Variants in GOLGB1 observed in about 807,000 individuals in gnomAD.
GOLGB1 encodes golgin B1, also known as golgin subfamily B member 1.
In GOLGB1, 174 loss-of-function variants were observed where a neutral mutation model predicts 336.9. The ratio of observed to expected loss-of-function variants is 0.52; its 90% CI spans 0.46 to 0.59. The LOEUF (loss-of-function observed/expected upper bound fraction) is 0.59. Ranked by LOEUF, GOLGB1 falls within the 20% of genes least tolerant of loss-of-function variation. GOLGB1 has a pLI of 0.00. For missense variants in GOLGB1, 3,331 were observed against 3,645.3 expected, an observed-to-expected ratio of 0.91 and a Z score of 2.22; for synonymous variants, 1,208 against 1,289.2, an observed-to-expected ratio of 0.94 and a Z score of 1.35.
intron 15 of GOLGB1, among the ~76,000 whole-genome samples, chr3:121,678,531 G>A (rs978140300): frequency 6.6e-6 from 1 of 151,776 alleles, no homozygotes; most frequent in African/African-American, 2.4e-5. Context: ...GTCCAACATG[G>A]TAATTCTCCT....
rs761910809 is a variant in GOLGB1, at chr3:121,664,492, C to T, written c.9783G>A (p.Thr3261=). 7.3e-5 allele frequency: 117 copies of T among 1,613,634 alleles called. No homozygotes were observed. Among genetic ancestry groups the T allele is most frequent in the Middle Eastern group, 3.3e-4 (2 of 6,082 alleles). ...MIHVLLILCF[T]GHL ...GTAACAACTAAGTCTATAGATGGCC[C>T]GTAAAACACAGAATGAGCAGGACAT... The change falls in exon 22 of 22, where the codon ACG becomes ACA. Residue 3261 remains threonine (T), a synonymous_variant. Transcript: ENST00000614479.
chr3:121,702,009 T>C (rs184726317), intron 11 of GOLGB1, among the ~76,000 whole-genome samples: 1 of 152,168 alleles, frequency 6.6e-6, no homozygotes, highest in African/African-American at 2.4e-5. Flanking sequence ...TCATCCAGAC[T>C]AAAGGAAAGG....
chr3:121,743,951 A>G (rs1947061391), intron 1 of GOLGB1, among the ~76,000 whole-genome samples: 1 of 152,174 alleles, frequency 6.6e-6, no homozygotes, highest in Admixed American at 6.6e-5. Flanking sequence ...CACCAAGTGG[A>G]TTTATTCTAG....
intron 1 of GOLGB1, among the ~76,000 whole-genome samples, chr3:121,741,968 A>G (rs945645567): frequency 2.6e-5 from 4 of 152,214 alleles, no homozygotes; most frequent in African/African-American, 9.6e-5. Flanking sequence ...TTCAAAGGAC[A>G]CAGGTTCCCA....
chr3:121,679,429 G>A (rs1234971575), intron 15 of GOLGB1, among the ~76,000 whole-genome samples: 2 of 152,192 alleles, frequency 1.3e-5, no homozygotes, highest in Admixed American at 1.3e-4. Flanking sequence ...ATGGTGGCAA[G>A]TTCTTTGGTT....
chr3:121,716,724 A>C lies in GOLGB1; in HGVS notation c.1288+13T>G. ...GGTAGAGATGTGGACTTCAAAAGCA[A>C]TCAGCTACTGACCTTCCAGTTGCTG... On this transcript the variant is annotated intron_variant, in intron 9 of 21. Coordinates refer to ENST00000614479, the MANE Select transcript of GOLGB1 (RefSeq NM_001366282.2). 1 of 1,586,476 alleles carries C rather than the reference A, an allele frequency of 6.3e-7. No individual in the cohort carries two copies. Among genetic ancestry groups the C allele is most frequent in the Non-Finnish European group, 8.6e-7 (1 of 1,165,262 alleles).
intron 10 of GOLGB1, among the ~76,000 whole-genome samples, chr3:121,707,682 A>C (rs562912024): frequency 2.2e-4 from 34 of 152,206 alleles, no homozygotes; most frequent in Non-Finnish European, 1.3e-4. Context: ...TAGAAGAAAA[A>C]TGATACCAGA....
chr3:121,705,113 G>C (rs1434733057), intron 10 of GOLGB1, among the ~76,000 whole-genome samples: 1 of 152,074 alleles, frequency 6.6e-6, no homozygotes, highest in African/African-American at 2.4e-5. Flanking sequence ...GTGTGCTGAG[G>C]CTTATTACTT....
intron 1 of GOLGB1, among the ~76,000 whole-genome samples, chr3:121,736,575 C>T (rs910882575): frequency 2.0e-5 from 3 of 152,074 alleles, no homozygotes; most frequent in Non-Finnish European, 4.4e-5. Flanking sequence ...AAGAAACAGT[C>T]ACAGATTAGA....
At chr3:121,749,765 G>A (rs1947633292), upstream of GOLGB1, 1 of 152,504 alleles carries the variant, frequency 6.6e-6, no homozygotes, top group South Asian at 2.1e-4. Context: ...TGGGACGGAA[G>A]ATGGGATTAA....
chr3:121,716,321 A>G (rs1410374393), intron 9 of GOLGB1, among the ~76,000 whole-genome samples: 1 of 152,204 alleles, frequency 6.6e-6, no homozygotes, highest in Non-Finnish European at 1.5e-5. Context: ...ATTTTCACCT[A>G]TAAGAAAAGC....
At chr3:121,673,847 A>T (rs1170713272) in intron 17 of GOLGB1, among the ~76,000 whole-genome samples, 1 of 152,092 alleles carries the variant, frequency 6.6e-6, no homozygotes, top group Non-Finnish European at 1.5e-5. Context: ...CAGCCACCCG[A>T]GTAGCTGGGA....
intron 14 of GOLGB1, among the ~76,000 whole-genome samples, chr3:121,683,851 C>T (rs538182752): frequency 9.2e-5 from 14 of 152,084 alleles, no homozygotes; most frequent in African/African-American, 2.9e-4. Flanking sequence ...ATCTACCGGC[C>T]GGGGACGGTG....
chr3:121,713,811 A>C (rs2108075755), intron 10 of GOLGB1, among the ~76,000 whole-genome samples: 1 of 152,332 alleles, frequency 6.6e-6, no homozygotes, highest in South Asian at 2.1e-4. Context: ...ATAAATATTA[A>C]AATATAGTCA....
At position 121,676,994 on chromosome 3, in the gene GOLGB1, G is replaced by C. The variant is rs1353241924; in HGVS notation, c.9076C>G (p.Gln3026Glu). 6.2e-7 allele frequency: 1 copy of C among 1,613,600 alleles called. No individual in the cohort carries two copies. The highest frequency in any genetic ancestry group is 1.7e-5 in the Admixed American group (1 of 60,004). ...PETSASPDGS[Q>E]NLVYETELLR... The stretch of plus-strand genomic sequence containing the variant: ...AGTTCTGTCTCATAAACCAGATTTT[G>C]TGACCCATCTGGGGAAGCTGATGTC... The change falls in exon 17 of 22, where the codon CAA becomes GAA. Residue 3026 changes from glutamine to glutamate, a missense_variant. Physicochemically the swap from Gln to Glu is conservative, Grantham distance 29. Transcript: ENST00000614479.
At position 121,692,592 on chromosome 3, in the gene GOLGB1, G is replaced by A. The variant is rs929086647; in HGVS notation, c.6783-11C>T. On this transcript the variant is annotated splice_polypyrimidine_tract_variant and intron_variant, in intron 13 of 21. Transcript: ENST00000614479. ...TTGTCATGTTCAAGCCTGAAACAGA[G>A]AGAAGGTCATTAGTTACAGATTTCA... 6.7e-7 allele frequency: 1 copy of A among 1,490,576 alleles called. No homozygotes were observed. The highest frequency in any genetic ancestry group is 1.4e-5 in the African/African-American group (1 of 71,076). 92.3% of individuals were successfully genotyped at this position (1,490,576 alleles called of 1,614,324 possible). A position where few individuals can be genotyped will look rare whatever the true frequency, so the allele number is the denominator to read the frequency against.
intron 4 of GOLGB1, 62 bp from the exon 5 acceptor site, chr3:121,727,103 T>C: frequency 2.1e-6 from 2 of 949,886 alleles, no homozygotes; most frequent in Non-Finnish European, 2.9e-6. Context: ...TATTTGATAT[T>C]TTCTTCTAAT....
chr3:121,731,215 T>A (rs572617426), intron 1 of GOLGB1, among the ~76,000 whole-genome samples: 1 of 152,348 alleles, frequency 6.6e-6, no homozygotes, highest in East Asian at 1.9e-4. Flanking sequence ...ACACCATTTC[T>A]AAAATAAAAT....
rs61741198 is a variant in GOLGB1, at chr3:121,696,482, T to C, written c.4041A>G (p.Leu1347=). The change falls in exon 13 of 22, where the codon TTA becomes TTG. Residue 1347 remains leucine (L), a synonymous_variant. Coordinates refer to ENST00000614479, the MANE Select transcript of GOLGB1 (RefSeq NM_001366282.2). ...AACCCTGTTTATTTATCTGCTCTTG[T>C]AACTGAAATACCTCTTCTGATTTTT... ...LTKKSEEVFQ[L]QEQINKQGLE... The C allele has an allele frequency of 1.2e-3, 1,877 of 1,614,112 alleles. 30 individuals are homozygous for C. In the African/African-American group the frequency reaches 0.023, roughly 20 times the overall value.
Sources: gnomAD v4.1 joint callset for allele counts (sites outside exome capture counted in the v4.1 genomes callset) on GRCh38, gnomAD v4.1.1 for gene constraint, MANE v1.5 for transcripts, NCBI Gene and HGNC (gene_info 2026-07-23, HGNC 2026-07-21) for gene names.